SAMD5: variants seen among roughly 807,000 people sequenced by gnomAD.
SAMD5 encodes the protein sterile alpha motif domain-containing protein 5.
In SAMD5, 13 loss-of-function variants were observed where a neutral mutation model predicts 11.3. The ratio of observed to expected loss-of-function variants is 1.15; its 90% CI spans 0.75 to 1.83. The LOEUF (loss-of-function observed/expected upper bound fraction) is 1.83, where lower values mean the gene tolerates loss of function less well. Among genes scored for constraint, SAMD5 ranks in the 40% most tolerant of loss-of-function variants. The pLI, the probability that SAMD5 is intolerant of heterozygous loss-of-function variation, is 0.00. For missense variants in SAMD5, 255 were observed against 239.1 expected, an observed-to-expected ratio of 1.07 and a Z score of -0.44; for synonymous variants, 129 against 111.3, an observed-to-expected ratio of 1.16 and a Z score of -1.00.
At chr6:147,771,897 G>A in the SAMD5 span, among the ~76,000 whole-genome samples, 4 of 152,162 alleles carry the variant, frequency 2.6e-5, no homozygotes, top group Non-Finnish European at 5.9e-5. Flanking sequence ...TGCCGTGACA[G>A]CTACATTAAA....
chr6:147,853,117 T>C, the SAMD5 span, among the ~76,000 whole-genome samples: 46 of 152,256 alleles, frequency 3.0e-4, no homozygotes, highest in East Asian at 7.2e-3. Context: ...TTCTAAAGAA[T>C]GGTAAAGTTT....
intron 1 of SAMD5, among the ~76,000 whole-genome samples, chr6:147,658,518 C>T (rs1438607976): frequency 1.3e-5 from 2 of 151,992 alleles, no homozygotes; most frequent in African/African-American, 4.8e-5. Context: ...GTGTAGCAAA[C>T]CTTAGTGAGA....
At position 147,567,496 on chromosome 6, in the gene SAMD5, T is replaced by C; in HGVS notation, c.*3040T>C. 2 of 961,676 alleles carry C rather than the reference T, an allele frequency of 2.1e-6. No homozygotes were observed. Among genetic ancestry groups the C allele is most frequent in the Non-Finnish European group, 1.2e-6 (1 of 808,172 alleles). 59.6% of individuals were successfully genotyped at this position (961,676 alleles called of 1,614,324 possible). On this transcript the variant is annotated 3_prime_UTR_variant, in exon 2 of 2. Transcript: ENST00000367474. ...CTTGGGGAATCATCTTGAACAGTTA[T>C]GAAACTCATTAAAGCTTCTTTTCCC...
chr6:147,624,441 C>T (rs778123913), intron 1 of SAMD5, among the ~76,000 whole-genome samples: 3 of 152,110 alleles, frequency 2.0e-5, no homozygotes, highest in African/African-American at 7.2e-5. Flanking sequence ...AAAAACGTTA[C>T]GTTTCATAGT....
chr6:147,763,208 G>A, the SAMD5 span, among the ~76,000 whole-genome samples: 1 of 152,000 alleles, frequency 6.6e-6, no homozygotes, highest in Non-Finnish European at 1.5e-5. Flanking sequence ...CACCCAGGCT[G>A]GAGTACAGTG....
At chr6:147,671,472 G>T (rs1192897762) in intron 1 of SAMD5, among the ~76,000 whole-genome samples, 1 of 152,194 alleles carries the variant, frequency 6.6e-6, no homozygotes, top group African/African-American at 2.4e-5. Flanking sequence ...ATATCTGTAG[G>T]ACAGAGTTTC....
chr6:147,880,012 A>G, the SAMD5 span, among the ~76,000 whole-genome samples: 102 of 152,310 alleles, frequency 6.7e-4, no homozygotes, highest in African/African-American at 2.3e-3. Context: ...TAATGAAGCC[A>G]GAAACCAACA....
chr6:147,629,699 A>T (rs957985423), intron 1 of SAMD5, among the ~76,000 whole-genome samples: 1 of 152,170 alleles, frequency 6.6e-6, no homozygotes, highest in Admixed American at 6.5e-5. Flanking sequence ...TGTCAGACAT[A>T]GTGCTTTTTC....
intron 1 of SAMD5, among the ~76,000 whole-genome samples, chr6:147,554,171 C>A (rs1788815406): frequency 6.6e-6 from 1 of 152,260 alleles, no homozygotes; most frequent in East Asian, 1.9e-4. Context: ...CCTTATGAAA[C>A]CTTCAGATCC....
At chr6:147,804,229 T>G in the SAMD5 span, among the ~76,000 whole-genome samples, 19 of 151,092 alleles carry the variant, frequency 1.3e-4, no homozygotes, top group African/African-American at 4.6e-4. Flanking sequence ...TGCCTCAGCC[T>G]CCCGAGTAGC....
the SAMD5 span, among the ~76,000 whole-genome samples, chr6:147,816,301 A>AAAAAAAAAAAAAAAATATAT: frequency 6.0e-5 from 4 of 66,348 alleles, no homozygotes; most frequent in African/African-American, 2.0e-4. Flanking sequence ...AAAAAAAAAA[A>AAAAAAAAAAAAAAAATATAT]ATATATATAT....
At chr6:147,690,736 ATTC>A (rs1488613756) in intron 1 of SAMD5, among the ~76,000 whole-genome samples, 3 of 152,152 alleles carry the variant, frequency 2.0e-5, no homozygotes, top group African/African-American at 7.2e-5. Flanking sequence ...AGTTTTTTTC[ATTC>A]TTCTTGTTTC....
chr6:147,557,088 T>G (rs1788869059), intron 1 of SAMD5, among the ~76,000 whole-genome samples: 2 of 152,214 alleles, frequency 1.3e-5, no homozygotes, highest in Admixed American at 1.3e-4. Context: ...TTTTAATGTA[T>G]TTTAACAAAT....
At chr6:147,901,538 A>G in the SAMD5 span, among the ~76,000 whole-genome samples, 1 of 152,224 alleles carries the variant, frequency 6.6e-6, no homozygotes, top group Non-Finnish European at 1.5e-5. Context: ...TGCTGGATTA[A>G]ATAACTTCTT....
At chr6:147,560,858 C>T (rs1788936312) in intron 1 of SAMD5, among the ~76,000 whole-genome samples, 1 of 152,074 alleles carries the variant, frequency 6.6e-6, no homozygotes, top group African/African-American at 2.4e-5. Context: ...ATGAAAGGCC[C>T]CTCAAACCCC....
intron 1 of SAMD5, among the ~76,000 whole-genome samples, chr6:147,702,736 T>A (rs1345219465): frequency 2.0e-5 from 3 of 152,186 alleles, no homozygotes; most frequent in Non-Finnish European, 4.4e-5. Flanking sequence ...TTCCATTAAG[T>A]GGCCTTGTTA....
the SAMD5 span, among the ~76,000 whole-genome samples, chr6:147,918,724 G>A: frequency 1.6e-5 from 2 of 125,340 alleles, no homozygotes; most frequent in East Asian, 4.8e-4. Flanking sequence ...TTGAGACAGA[G>A]TCTCGCTCTG....
intron 1 of SAMD5, among the ~76,000 whole-genome samples, chr6:147,533,751 GCTGATGTTGCGGT>G (rs1265629477): frequency 2.6e-5 from 4 of 152,196 alleles, no homozygotes; most frequent in African/African-American, 9.6e-5. Context: ...ATCCAAGAAA[GCTGATGTTGCGGT>G]CTTGAGATTG....
At position 147,689,290 on chromosome 6, in the gene SAMD5, A is replaced by G. The variant is rs186116336; in HGVS notation, c.163-48027A>G. ...GTGTTGAAAGGTAAATGCAAACTCT[A>G]TTTACCATTACAGTTATTCTAAATT... On this transcript the variant is annotated intron_variant, in intron 1 of 1. Transcript: ENST00000566741. 3.0e-3 allele frequency among the ~76,000 whole-genome samples: 459 copies of G among 152,328 alleles called. 1 individual carries two copies. Among genetic ancestry groups the G allele is most frequent in the Non-Finnish European group, 4.6e-3 (316 of 68,032 alleles).
Sources: allele counts gnomAD v4.1 joint callset (sites outside exome capture counted in the v4.1 genomes callset), GRCh38; gene constraint gnomAD v4.1.1; transcripts MANE v1.5; gene names NCBI Gene and HGNC (gene_info 2026-07-23, HGNC 2026-07-21).